NTNG2: variants seen among roughly 807,000 people sequenced by gnomAD.
NTNG2 encodes the protein netrin G2, also known as netrin-G2.
In NTNG2, 15 loss-of-function variants were observed where a neutral mutation model predicts 47.6. The ratio of observed to expected loss-of-function variants is 0.32; its 90% CI spans 0.21 to 0.49. The LOEUF is 0.49. NTNG2 is among the 20% of genes least tolerant of loss of function. The probability of loss-of-function intolerance (pLI) is 0.99; values close to 1 mark genes in which losing one functional copy is unlikely to be tolerated. For synonymous variants in NTNG2, 307 were observed against 324.6 expected (o/e 0.95, Z 0.58); for missense variants, 578 against 764.6 (o/e 0.76, Z 2.88).
At chr9:132,186,048 G>T (rs1837356321) in intron 2 of NTNG2, among the ~76,000 whole-genome samples, 1 of 152,228 alleles carries the variant, frequency 6.6e-6, no homozygotes, top group South Asian at 2.1e-4. Flanking sequence ...AGTGTTTACA[G>T]CATAGCCAGA....
At chr9:132,161,833 C>A (rs1332212076), upstream of NTNG2, 1 of 149,660 alleles carries the variant, frequency 6.7e-6, no homozygotes, top group Non-Finnish European at 1.5e-5. This position sits in a 1 kb window ranked among gnomAD's most constrained non-coding sequence, Gnocchi z 7.2. Flanking sequence ...CCCGGCTCCC[C>A]GACGAGACGC....
intron 6 of NTNG2, 47 bp from the exon 7 acceptor site, chr9:132,240,863 C>T (rs763876880): frequency 6.2e-7 from 1 of 1,611,362 alleles, no homozygotes; most frequent in Non-Finnish European, 8.5e-7. Flanking sequence ...GAGAAGACGG[C>T]GCCCACACGT....
intron 7 of NTNG2, chr9:132,241,328 G>T (rs1368769049): frequency 8.0e-6 from 4 of 498,706 alleles, no homozygotes; most frequent in African/African-American, 4.1e-5. Context: ...ACCCGGGGGC[G>T]GTGGACGGGG....
At position 132,182,422 on chromosome 9, in the gene NTNG2, C is replaced by T. The variant is rs901659480; in HGVS notation, c.213+15378C>T. Among the ~76,000 whole-genome samples, 4 of 152,116 alleles carry T rather than the reference C, an allele frequency of 2.6e-5. No individual in the cohort carries two copies. The highest frequency in any genetic ancestry group is 4.8e-5 in the African/African-American group (2 of 41,426). ...TTCCCCTCCCCTGCACTGGGTTGGC[C>T]GCCTCTCAGCCTAGAGGAGGGGCAC... is the stretch of plus-strand genomic sequence containing the variant. On this transcript the variant is annotated intron_variant, in intron 2 of 7. Transcript: ENST00000393229. The surrounding 1 kb of genome is among the most constrained non-coding windows in gnomAD (Gnocchi z 4.2).
intron 3 of NTNG2, among the ~76,000 whole-genome samples, chr9:132,204,289 G>A (rs1413573098): frequency 6.6e-6 from 1 of 152,066 alleles, no homozygotes; most frequent in Non-Finnish European, 1.5e-5. Flanking sequence ...TATGTCCCTG[G>A]GCCTCCCCCA....
At chr9:132,201,751 C>G (rs1462029741) in intron 3 of NTNG2, among the ~76,000 whole-genome samples, 1 of 152,196 alleles carries the variant, frequency 6.6e-6, no homozygotes, top group Non-Finnish European at 1.5e-5. Context: ...TTATTAACGG[C>G]TTCATGTGTA....
In NTNG2 at chr9:132,162,677, C is replaced by T. The variant is rs1238523433; in HGVS notation, c.-484+438C>T. Among the ~76,000 whole-genome samples, 1 of 151,344 alleles carries T rather than the reference C, an allele frequency of 6.6e-6. No individual in the cohort carries two copies. Among genetic ancestry groups the T allele is most frequent in the Non-Finnish European group, 1.5e-5 (1 of 67,844 alleles). On this transcript the variant is annotated intron_variant, in intron 1 of 7. Transcript: ENST00000393229. The surrounding 1 kb of genome is among the most constrained non-coding windows in gnomAD (Gnocchi z 4.6). ...CTCGGAAAAGGAAACTAACCCTGCT[C>T]CCGCGCCTCTCCCCCACCCCAATTC...
intron 2 of NTNG2, among the ~76,000 whole-genome samples, chr9:132,186,229 C>T (rs185558622): frequency 7.9e-5 from 12 of 152,272 alleles, no homozygotes; most frequent in South Asian, 2.1e-4. Flanking sequence ...CTGAGACAGA[C>T]GCCCATGTGT....
chr9:132,174,160 A>AGACG (rs1163090119), intron 2 of NTNG2, among the ~76,000 whole-genome samples: 3 of 134,880 alleles, frequency 2.2e-5, no homozygotes, highest in Non-Finnish European at 4.7e-5. Flanking sequence ...GCTGCGGATG[A>AGACG]GACGGACGGA....
intron 6 of NTNG2, chr9:132,240,675 A>C: frequency 1.7e-5 from 10 of 588,366 alleles, no homozygotes; most frequent in Admixed American, 6.0e-5. Flanking sequence ...AGGGCGGGGA[A>C]GGTGGGGCTG....
intron 2 of NTNG2, among the ~76,000 whole-genome samples, chr9:132,195,803 A>T (rs1039845185): frequency 1.0e-3 from 152 of 150,756 alleles, no homozygotes; most frequent in African/African-American, 3.5e-3. Flanking sequence ...TAATTTTTAA[A>T]TTTTTTTTTG....
chr9:132,198,894 G>A (rs1252939637), intron 3 of NTNG2, among the ~76,000 whole-genome samples: 5 of 152,058 alleles, frequency 3.3e-5, no homozygotes, highest in Non-Finnish European at 5.9e-5. Flanking sequence ...GACATGACCT[G>A]GTTCTTGGGA....
chr9:132,194,398 T>C (rs1446041732), intron 2 of NTNG2, among the ~76,000 whole-genome samples: 2 of 152,166 alleles, frequency 1.3e-5, no homozygotes, highest in South Asian at 2.1e-4. Flanking sequence ...ACTCAGGCCA[T>C]TGGGCCATCC....
chr9:132,183,152 C>T (rs1398469537), intron 2 of NTNG2, among the ~76,000 whole-genome samples: 1 of 152,210 alleles, frequency 6.6e-6, no homozygotes, highest in African/African-American at 2.4e-5. Flanking sequence ...CTCCATCCTC[C>T]TTCTGGCTTC....
chr9:132,230,123 G>A (rs577684896), intron 4 of NTNG2, among the ~76,000 whole-genome samples: 4 of 152,352 alleles, frequency 2.6e-5, no homozygotes, highest in Non-Finnish European at 4.4e-5. Context: ...CGCGGCAGCC[G>A]CTCCCATGGC....
rs112292574 is a variant in NTNG2 at position 132,239,936 on chromosome 9, C to T, written c.1222+665C>T. Among the ~76,000 whole-genome samples the T allele has an allele frequency of 1.9e-3, 287 of 152,366 alleles. 4 individuals are homozygous for T. The highest frequency in any genetic ancestry group is 6.7e-3 in the African/African-American group (277 of 41,590). On this transcript the variant is annotated intron_variant, in intron 6 of 7. Coordinates refer to ENST00000393229, the MANE Select transcript of NTNG2 (RefSeq NM_032536.4). ...CACCCAGTCTGCTTTCTTCCAAGTT[C>T]TACTCAAGGACTGGCTTTTGGGTAG... is the stretch of plus-strand genomic sequence containing the variant.
chr9:132,183,134 T>C (rs532657840), intron 2 of NTNG2, among the ~76,000 whole-genome samples: 5 of 152,320 alleles, frequency 3.3e-5, no homozygotes, highest in Non-Finnish European at 7.4e-5. Flanking sequence ...ACATCTGAGC[T>C]GCAGGTGCTC....
rs765542111 is a variant in NTNG2 at position 132,198,088 on chromosome 9, G to C, written c.336G>C (p.Trp112Cys). 6.2e-7 allele frequency: 1 copy of C among 1,613,890 alleles called. No homozygotes were observed. ...CCACCTACTGGCAGAGCATCACCTG[G>C]AGCCGCTACCCCAGCCCGCTGGAAG... Reference protein sequence around the residue: ...GLATYWQSITWSRYPSPLEAN... With the variant: ...GLATYWQSITCSRYPSPLEAN... Residue 112 changes from tryptophan (W) to cysteine (C), a missense_variant, in exon 3 of 8, where the codon TGG becomes TGC. Physicochemically the swap from Trp to Cys is radical, Grantham distance 215. Transcript: ENST00000393229.
intron 3 of NTNG2, among the ~76,000 whole-genome samples, chr9:132,213,767 A>G (rs549369063): frequency 6.6e-6 from 1 of 152,234 alleles, no homozygotes; most frequent in Non-Finnish European, 1.5e-5. Context: ...ATTGGAAAAC[A>G]TTGCTGGCTG....
Sources: gnomAD v4.1 joint callset for allele counts (sites outside exome capture counted in the v4.1 genomes callset) on GRCh38, gnomAD v4.1.1 for gene constraint, Gnocchi (gnomAD v3.1) non-coding constraint, MANE v1.5 for transcripts, NCBI Gene and HGNC (gene_info 2026-07-23, HGNC 2026-07-21) for gene names.